The following ZFHX3 variants were observed in gnomAD, a reference collection of about 807,000 sequenced individuals.
The protein encoded by ZFHX3 is zinc finger homeobox 3, also known as zinc finger homeobox protein 3.
A neutral mutation model predicts 279.1 loss-of-function variants in ZFHX3; 42 were observed. The ratio of observed to expected loss-of-function variants is 0.15; its 90% CI spans 0.12 to 0.19. The LOEUF is 0.19. Among genes scored for constraint, ZFHX3 ranks in the 10% least tolerant of loss-of-function variants. ZFHX3 has a pLI of 1.00. For synonymous variants in ZFHX3, 2,293 were observed against 1,957.8 expected (o/e 1.17, Z -4.52); for missense variants, 4,981 against 4,754.0 (o/e 1.05, Z -1.40).
At chr16:73,442,906 C>T (rs568073559) in intron 3 of ZFHX3, among the ~76,000 whole-genome samples, 71 of 152,166 alleles carry the variant, frequency 4.7e-4, no homozygotes, top group Admixed American at 7.2e-4. Flanking sequence ...CCACCTAACC[C>T]GGCTAATTTT....
exon 3 of ZFHX3, chr16:73,456,106 G>A (rs896716780): frequency 9.9e-5 from 15 of 152,050 alleles, no homozygotes; most frequent in Admixed American, 7.9e-4. Context: ...TCCGTCTAAC[G>A]GGGCCAGCGG....
chr16:73,250,573 A>G (rs1051839224), intron 5 of ZFHX3, among the ~76,000 whole-genome samples: 2 of 152,116 alleles, frequency 1.3e-5, no homozygotes, highest in African/African-American at 4.8e-5. Flanking sequence ...TCGCTCTGTC[A>G]CCCAGGCTGG....
chr16:73,314,103 GA>G (rs1260872201), intron 4 of ZFHX3, among the ~76,000 whole-genome samples: 1 of 151,770 alleles, frequency 6.6e-6, no homozygotes, highest in Non-Finnish European at 1.5e-5. Flanking sequence ...TGTCTCAAAA[GA>G]AAAAAAATCT....
At chr16:73,837,460 A>C (rs1011361793) in intron 1 of ZFHX3, among the ~76,000 whole-genome samples, 2 of 152,236 alleles carry the variant, frequency 1.3e-5, no homozygotes, top group African/African-American at 4.8e-5. Context: ...GTAAAGAAAC[A>C]AACCACTTTA....
intron 7 of ZFHX3, among the ~76,000 whole-genome samples, chr16:73,096,409 A>ATTT: frequency 6.9e-6 from 1 of 144,482 alleles, no homozygotes; most frequent in African/African-American, 2.5e-5. Context: ...GAACTTCTTT[A>ATTT]TTTTTTTTTT....
chr16:73,541,486 AAAAAAT>A (rs559539598), intron 2 of ZFHX3, among the ~76,000 whole-genome samples: 44 of 152,236 alleles, frequency 2.9e-4, no homozygotes, highest in East Asian at 7.7e-4. Context: ...ACTGGTCTCA[AAAAAAT>A]AAAAATAAAA....
At position 72,982,972 on chromosome 16, in the gene ZFHX3, C is replaced by T. The variant is rs150498636; in HGVS notation, c.-49-22778G>A. Among the ~76,000 whole-genome samples, 10 of 152,258 alleles carry T rather than the reference C, an allele frequency of 6.6e-5. No individual in the cohort carries two copies. In the East Asian group the frequency reaches 1.2e-3, roughly 18 times the overall value. ...TTCAGGTTAGGACCAGTGGGGGTAA[C>T]GTAAAGGGTGATTTGGGCCCCAGGA... On this transcript the variant is annotated intron_variant, in intron 1 of 9. Transcript: ENST00000268489.
chr16:73,161,166 G>T (rs1249275587), intron 5 of ZFHX3, among the ~76,000 whole-genome samples: 1 of 151,986 alleles, frequency 6.6e-6, no homozygotes, highest in Non-Finnish European at 1.5e-5. Context: ...TTGTAGAGAT[G>T]GGGTCTCCCT....
chr16:73,668,192 T>C (rs533687189), intron 2 of ZFHX3, among the ~76,000 whole-genome samples: 3 of 152,256 alleles, frequency 2.0e-5, no homozygotes, highest in South Asian at 2.1e-4. Context: ...GAAAGGGAAA[T>C]GTACTAGCCA....
At chr16:73,277,404 T>C (rs1175870279) in intron 4 of ZFHX3, among the ~76,000 whole-genome samples, 1 of 152,206 alleles carries the variant, frequency 6.6e-6, no homozygotes, top group African/African-American at 2.4e-5. Context: ...CCCTGGATTT[T>C]AGCTCTAGGT....
intron 4 of ZFHX3, among the ~76,000 whole-genome samples, chr16:72,877,661 A>G (rs1320553601): frequency 6.6e-6 from 1 of 152,194 alleles, no homozygotes; most frequent in Non-Finnish European, 1.5e-5. Context: ...TCACTAGGAA[A>G]GGATTTGGTT....
intron 1 of ZFHX3, among the ~76,000 whole-genome samples, chr16:73,877,194 G>T (rs2029977198): frequency 8.3e-6 from 1 of 119,856 alleles, no homozygotes; most frequent in African/African-American, 3.6e-5. Context: ...GGGTTCGGGG[G>T]GTTAGGTCGG....
chr16:72,801,493 C>G (rs930811776), intron 7 of ZFHX3, among the ~76,000 whole-genome samples: 1 of 152,144 alleles, frequency 6.6e-6, no homozygotes, highest in South Asian at 2.1e-4. Flanking sequence ...GACAGCCACC[C>G]CCATCAACAT....
rs150922618 is a variant in ZFHX3, at chr16:72,880,693, A to G, written c.3448+9038T>C. 5.3e-3 allele frequency among the ~76,000 whole-genome samples: 803 copies of G among 152,314 alleles called. 7 individuals are homozygous for G. Among genetic ancestry groups the G allele is most frequent in the Non-Finnish European group, 5.6e-3 (384 of 68,026 alleles). On this transcript the variant is annotated intron_variant, in intron 4 of 9. Coordinates refer to ENST00000268489, the MANE Select transcript of ZFHX3 (RefSeq NM_006885.4). ...GATGGCCCTGTACCAGGAAAATCAC[A>G]CATTGTCTGATTTTTGATATTCTAA...
At chr16:73,820,983 G>A (rs974341387) in intron 1 of ZFHX3, among the ~76,000 whole-genome samples, 2 of 151,972 alleles carry the variant, frequency 1.3e-5, no homozygotes, top group African/African-American at 2.4e-5. Flanking sequence ...GTCAACTTAG[G>A]AGACAACTAT....
chr16:73,165,309 A>G (rs1967335306), intron 5 of ZFHX3, among the ~76,000 whole-genome samples: 1 of 152,192 alleles, frequency 6.6e-6, no homozygotes, highest in African/African-American at 2.4e-5. Context: ...GAAGAGGCTC[A>G]AGCGCAGAAA....
intron 7 of ZFHX3, among the ~76,000 whole-genome samples, chr16:73,122,543 C>A (rs1047624914): frequency 6.6e-6 from 1 of 152,042 alleles, no homozygotes; most frequent in Non-Finnish European, 1.5e-5. Context: ...TTCTGTCTTG[C>A]GGCTTCCTGG....
At chr16:73,335,895 C>T (rs987810508) in intron 3 of ZFHX3, among the ~76,000 whole-genome samples, 2 of 152,336 alleles carry the variant, frequency 1.3e-5, no homozygotes, top group South Asian at 2.1e-4. Context: ...TTTTGACTCT[C>T]ACTGCCTTCA....
chr16:73,456,226 A>C (rs1490191998), exon 3 of ZFHX3: 1 of 152,158 alleles, frequency 6.6e-6, no homozygotes, highest in Non-Finnish European at 1.5e-5. Flanking sequence ...TGAGACAGGG[A>C]TATTTTATAC....
Sources: gnomAD v4.1 joint callset for allele counts (sites outside exome capture counted in the v4.1 genomes callset) on GRCh38, gnomAD v4.1.1 for gene constraint, MANE v1.5 for transcripts, NCBI Gene and HGNC (gene_info 2026-07-23, HGNC 2026-07-21) for gene names.